GPATCH2L: variants seen among roughly 807,000 people sequenced by gnomAD.
GPATCH2L encodes G-patch domain containing 2 like, also known as G patch domain-containing protein 2-like.
A neutral mutation model predicts 57.4 loss-of-function variants in GPATCH2L; 31 were observed. The observed-to-expected ratio is 0.54, with a 90% CI of 0.41 to 0.73. The LOEUF is 0.73. Among genes scored for constraint, GPATCH2L ranks in the 30% least tolerant of loss-of-function variants. GPATCH2L has a pLI of 0.00. For synonymous variants in GPATCH2L, 199 were observed against 210.7 expected (o/e 0.94, Z 0.48); for missense variants, 481 against 599.9 (o/e 0.80, Z 2.07).
At chr14:76,168,668 A>T (rs866499545) in intron 3 of GPATCH2L, among the ~76,000 whole-genome samples, 1 of 152,210 alleles carries the variant, frequency 6.6e-6, no homozygotes, top group Non-Finnish European at 1.5e-5. Flanking sequence ...CTTTGCTTGA[A>T]TCATATCTGT....
chr14:76,201,371 A>C (rs2040305839), intron 9 of GPATCH2L, among the ~76,000 whole-genome samples: 1 of 152,214 alleles, frequency 6.6e-6, no homozygotes, highest in South Asian at 2.1e-4. Context: ...TGCATTAACA[A>C]GATCATGAGT....
At chr14:76,169,446 A>G (rs2038988693) in intron 3 of GPATCH2L, among the ~76,000 whole-genome samples, 1 of 152,192 alleles carries the variant, frequency 6.6e-6, no homozygotes, top group African/African-American at 2.4e-5. Flanking sequence ...TCAGATTGTA[A>G]AACAACTAAG....
chr14:76,210,035 A>G lies in GPATCH2L; in HGVS notation c.*8184A>G, dbSNP rs1229000626. 1.3e-5 allele frequency: 2 copies of G among 152,198 alleles called. No homozygotes were observed. The highest frequency in any genetic ancestry group is 2.9e-5 in the Non-Finnish European group (2 of 68,046). 9.4% of individuals were successfully genotyped at this position (152,198 alleles called of 1,614,324 possible). A position where few individuals can be genotyped will look rare whatever the true frequency, so the allele number is the denominator to read the frequency against. On this transcript the variant is annotated 3_prime_UTR_variant, in exon 10 of 10. Coordinates refer to ENST00000261530, the MANE Select transcript of GPATCH2L (RefSeq NM_017926.4). Reference sequence around the variant, plus strand: ...ACATTTACTGAACACTGATGAAGCGAAGTCCTCCTCAGGGACCTCTTAGGG... The same window carrying G: ...ACATTTACTGAACACTGATGAAGCGGAGTCCTCCTCAGGGACCTCTTAGGG...
At position 76,209,218 on chromosome 14, in the gene GPATCH2L, G is replaced by A. The variant is rs2040413373; in HGVS notation, c.*7367G>A. 6.6e-6 allele frequency: 1 copy of A among 152,308 alleles called. No homozygotes were observed. The highest frequency in any genetic ancestry group is 1.5e-5 in the Non-Finnish European group (1 of 68,110). The allele number at this position is 152,308 out of a possible 1,614,324, so 9.4% of individuals were successfully genotyped here. A position where few individuals can be genotyped will look rare whatever the true frequency, so the allele number is the denominator to read the frequency against. ...TTCTGTGGAGTTGTTTGGTAGGTCA[G>A]TCTAGCACAGACTGGATGCCGGTCT... is the stretch of plus-strand genomic sequence containing the variant. On this transcript the variant is annotated 3_prime_UTR_variant, in exon 10 of 10. Coordinates refer to ENST00000261530, the MANE Select transcript of GPATCH2L (RefSeq NM_017926.4).
At chr14:76,167,303 T>C (rs185644793) in intron 3 of GPATCH2L, among the ~76,000 whole-genome samples, 46 of 152,306 alleles carry the variant, frequency 3.0e-4, no homozygotes, top group Admixed American at 2.5e-3. Flanking sequence ...TTTGCCTATA[T>C]ATAAGGGTAT....
At position 76,210,953 on chromosome 14, in the gene GPATCH2L, G is replaced by A. The variant is rs183351523; in HGVS notation, c.*9102G>A. 1.3e-5 allele frequency: 2 copies of A among 152,190 alleles called. No homozygotes were observed. Among genetic ancestry groups the A allele is most frequent in the Admixed American group, 6.5e-5 (1 of 15,280 alleles). 9.4% of individuals were successfully genotyped at this position (152,190 alleles called of 1,614,324 possible). On this transcript the variant is annotated 3_prime_UTR_variant, in exon 10 of 10. Transcript: ENST00000261530. ...GATGTTCATGGTCTTCTGCGGAAGA[G>A]ACCAGAAAAAAAGTATTACAATGTA...
At chr14:76,185,365 T>C (rs1466913340) in intron 8 of GPATCH2L, among the ~76,000 whole-genome samples, 1 of 152,248 alleles carries the variant, frequency 6.6e-6, no homozygotes, top group Non-Finnish European at 1.5e-5. Context: ...AGTCACAAAC[T>C]TGTAATAAGA....
At chr14:76,197,428 C>A (rs971215290) in intron 9 of GPATCH2L, among the ~76,000 whole-genome samples, 1 of 152,042 alleles carries the variant, frequency 6.6e-6, no homozygotes, top group Admixed American at 6.6e-5. Context: ...GGGAAGTGTA[C>A]GTGTGTGGGG....
intron 3 of GPATCH2L, 130 bp from the exon 4 acceptor site, chr14:76,171,713 A>G: frequency 1.6e-6 from 1 of 622,010 alleles, no homozygotes; most frequent in Non-Finnish European, 2.8e-6. Flanking sequence ...ACAGAGCAAG[A>G]CTCTGTCTCA....
At chr14:76,220,473 CA>C (rs1471263433) in intron 1 of GPATCH2L, among the ~76,000 whole-genome samples, 1 of 151,988 alleles carries the variant, frequency 6.6e-6, no homozygotes, top group African/African-American at 2.4e-5. Context: ...TATTTTAATG[CA>C]ACTAATAATA....
At chr14:76,219,744 G>C (rs953071365) in intron 1 of GPATCH2L, among the ~76,000 whole-genome samples, 3 of 152,164 alleles carry the variant, frequency 2.0e-5, no homozygotes, top group Admixed American at 2.0e-4. Flanking sequence ...GGTTTTACTG[G>C]GGAAAGAGGA....
intron 8 of GPATCH2L, among the ~76,000 whole-genome samples, chr14:76,183,741 G>T (rs927298515): frequency 2.0e-5 from 3 of 152,170 alleles, no homozygotes; most frequent in African/African-American, 7.2e-5. Flanking sequence ...CCAGCAAGGG[G>T]TTAGTGAAGA....
intron 1 of GPATCH2L, among the ~76,000 whole-genome samples, chr14:76,220,194 G>C (rs1485149570): frequency 6.6e-6 from 1 of 152,060 alleles, no homozygotes; most frequent in Middle Eastern, 3.2e-3. Flanking sequence ...CCAGGAGGTT[G>C]GTCATTTGAG....
intron 8 of GPATCH2L, among the ~76,000 whole-genome samples, chr14:76,187,675 T>C (rs1412914834): frequency 6.6e-6 from 1 of 152,146 alleles, no homozygotes; most frequent in Non-Finnish European, 1.5e-5. Flanking sequence ...AATCACATCA[T>C]GGAGAATGGG....
At chr14:76,155,414 G>A (rs2038261052) in intron 2 of GPATCH2L, among the ~76,000 whole-genome samples, 1 of 152,178 alleles carries the variant, frequency 6.6e-6, no homozygotes, top group African/African-American at 2.4e-5. Flanking sequence ...CTAGCGCCAG[G>A]TATACGGAGT....
chr14:76,197,438 G>A (rs1488371445), intron 9 of GPATCH2L, among the ~76,000 whole-genome samples: 2 of 152,096 alleles, frequency 1.3e-5, no homozygotes, highest in Admixed American at 1.3e-4. Flanking sequence ...CGTGTGTGGG[G>A]GTGGGTATTA....
intron 1 of GPATCH2L, chr14:76,229,742 T>C (rs958941346): frequency 1.3e-5 from 2 of 152,150 alleles, no homozygotes. Flanking sequence ...CCAAGCTCGA[T>C]GGGTAGGCAT....
chr14:76,173,579 C>T lies in GPATCH2L; in HGVS notation c.938C>T (p.Ala313Val). Reference sequence around the variant, plus strand: ...ACTCGCTTGAATCGTCTACCTGGAGCTGCAGCTCGATGCCTCAGAAAGGGG... The same window carrying T: ...ACTCGCTTGAATCGTCTACCTGGAGTTGCAGCTCGATGCCTCAGAAAGGGG... ...YHTRLNRLPG[A>V]AARCLRKGRR... Residue 313 changes from alanine (A) to valine (V), a missense_variant, in exon 5 of 10, where the codon GCT (alanine) becomes GTT (valine). By Grantham distance (64) the Ala-to-Val change is moderately conservative. Coordinates refer to ENST00000261530, the MANE Select transcript of GPATCH2L (RefSeq NM_017926.4). 6.2e-7 allele frequency: 1 copy of T among 1,613,358 alleles called. No individual in the cohort carries two copies. Among genetic ancestry groups the T allele is most frequent in the Non-Finnish European group, 8.5e-7 (1 of 1,179,440 alleles).
intron 9 of GPATCH2L, among the ~76,000 whole-genome samples, chr14:76,201,263 C>G (rs545571559): frequency 6.6e-6 from 1 of 151,978 alleles, no homozygotes; most frequent in African/African-American, 2.4e-5. Context: ...CTGTTTTATC[C>G]CTGAACAATT....
Sources: allele counts gnomAD v4.1 joint callset (sites outside exome capture counted in the v4.1 genomes callset), GRCh38; gene constraint gnomAD v4.1.1; transcripts MANE v1.5; gene names NCBI Gene and HGNC (gene_info 2026-07-23, HGNC 2026-07-21).